The following CSMD1 variants were observed in gnomAD, a reference collection of about 807,000 sequenced individuals.
CSMD1 encodes CUB and Sushi multiple domains 1.
A neutral mutation model predicts 417.5 loss-of-function variants in CSMD1; 213 were observed. That is an observed-to-expected ratio of 0.51 (90% CI 0.46 to 0.57). The LOEUF (loss-of-function observed/expected upper bound fraction) is 0.57, where lower values mean the gene tolerates loss of function less well. CSMD1 is among the 20% of genes least tolerant of loss of function. The pLI, the probability that CSMD1 is intolerant of heterozygous loss-of-function variation, is 0.00. For missense variants in CSMD1, 6,923 were observed against 4,529.7 expected, an observed-to-expected ratio of 1.53 and a Z score of -15.17; for synonymous variants, 2,862 against 1,736.8, an observed-to-expected ratio of 1.65 and a Z score of -16.11.
intron 54 of CSMD1, among the ~76,000 whole-genome samples, chr8:2,989,765 A>T (rs917168638): frequency 6.6e-6 from 1 of 152,186 alleles, no homozygotes; most frequent in African/African-American, 2.4e-5. Flanking sequence ...AGCTTTTCAT[A>T]CTTAAAAGCC....
At chr8:3,018,001 T>C (rs901894426) in intron 52 of CSMD1, among the ~76,000 whole-genome samples, 9 of 152,106 alleles carry the variant, frequency 5.9e-5, no homozygotes, top group Non-Finnish European at 1.0e-4. Context: ...GAAACATTTT[T>C]CAATCCATTT....
chr8:4,145,310 A>C (rs1804044402), intron 3 of CSMD1, among the ~76,000 whole-genome samples: 1 of 151,002 alleles, frequency 6.6e-6, no homozygotes, highest in Non-Finnish European at 1.5e-5. Flanking sequence ...ACTTTATGGT[A>C]CTCACCATTT....
chr8:3,895,765 G>C (rs753178708), intron 5 of CSMD1, among the ~76,000 whole-genome samples: 3 of 152,088 alleles, frequency 2.0e-5, no homozygotes, highest in Non-Finnish European at 4.4e-5. Flanking sequence ...AGTCATTTAA[G>C]AAATATTTCC....
chr8:4,206,914 G>A (rs966408663), intron 3 of CSMD1, among the ~76,000 whole-genome samples: 1 of 152,096 alleles, frequency 6.6e-6, no homozygotes, highest in African/African-American at 2.4e-5. Flanking sequence ...ATAATTTAGA[G>A]TTGGGCAAAT....
intron 3 of CSMD1, among the ~76,000 whole-genome samples, chr8:4,235,982 G>T (rs117806248): frequency 6.8e-6 from 1 of 146,568 alleles, no homozygotes; most frequent in Non-Finnish European, 1.5e-5. Context: ...TACCTAGCAA[G>T]TGATTCGTGA....
intron 2 of CSMD1, among the ~76,000 whole-genome samples, chr8:4,505,503 T>C (rs1046704042): frequency 6.6e-6 from 1 of 152,166 alleles, no homozygotes; most frequent in Non-Finnish European, 1.5e-5. Flanking sequence ...TGCTTAATCA[T>C]TTAATTTAAT....
chr8:3,396,967 G>A (rs889935644), intron 16 of CSMD1, among the ~76,000 whole-genome samples: 3 of 152,026 alleles, frequency 2.0e-5, no homozygotes, highest in African/African-American at 7.2e-5. Context: ...TTTCAGACAT[G>A]AAAGGATACT....
intron 3 of CSMD1, among the ~76,000 whole-genome samples, chr8:4,195,064 G>C (rs1799252085): frequency 6.6e-6 from 1 of 152,150 alleles, no homozygotes; most frequent in Non-Finnish European, 1.5e-5. Context: ...GCAGTATTCA[G>C]CTGTTACGCC....
At chr8:3,090,562 T>C (rs1322818250) in intron 48 of CSMD1, among the ~76,000 whole-genome samples, 2 of 152,160 alleles carry the variant, frequency 1.3e-5, no homozygotes, top group Non-Finnish European at 2.9e-5. Flanking sequence ...TAAAACCTTA[T>C]TCTTACAACT....
intron 2 of CSMD1, among the ~76,000 whole-genome samples, chr8:4,551,767 C>G (rs1259853969): frequency 1.3e-5 from 2 of 152,136 alleles, no homozygotes; most frequent in Admixed American, 1.3e-4. Flanking sequence ...TCACTGCAAC[C>G]TCTCAGGCTG....
At position 3,474,304 on chromosome 8, in the gene CSMD1, CA is replaced by C. The variant is rs1402796372; in HGVS notation, c.1449-5481del. On this transcript the variant is annotated intron_variant, in intron 11 of 69. Coordinates refer to ENST00000635120, the MANE Select transcript of CSMD1 (RefSeq NM_033225.6). ...ATATGATAATCATACAAATGCAGGA[CA>C]ATAAACAATGCAATAGCAAAGTGCT... Among the ~76,000 whole-genome samples the C allele has an allele frequency of 1.4e-4, 21 of 151,674 alleles. 1 individual carries two copies. In the South Asian group the frequency reaches 4.4e-3, roughly 32 times the overall value.
At chr8:3,019,012 G>A (rs1316543699) in intron 51 of CSMD1, among the ~76,000 whole-genome samples, 1 of 152,104 alleles carries the variant, frequency 6.6e-6, no homozygotes, top group Non-Finnish European at 1.5e-5. Flanking sequence ...CTACCTCCCC[G>A]GTTCAAGTGA....
chr8:3,912,377 C>T (rs539762777), intron 5 of CSMD1, among the ~76,000 whole-genome samples: 1 of 152,248 alleles, frequency 6.6e-6, no homozygotes, highest in African/African-American at 2.4e-5. Flanking sequence ...ACATTCAAGG[C>T]AATCTTCTAG....
At chr8:3,152,991 G>C (rs1819296489) in intron 39 of CSMD1, among the ~76,000 whole-genome samples, 1 of 152,236 alleles carries the variant, frequency 6.6e-6, no homozygotes. Context: ...TGGAATAGGA[G>C]CTGGATAAAA....
chr8:4,143,130 T>G (rs962912131), intron 3 of CSMD1, among the ~76,000 whole-genome samples: 1 of 136,014 alleles, frequency 7.4e-6, no homozygotes, highest in Non-Finnish European at 1.6e-5. Context: ...GGATTGGAAT[T>G]AGCATTTCTA....
At chr8:3,416,252 G>A (rs768361371) in intron 12 of CSMD1, among the ~76,000 whole-genome samples, 8 of 144,620 alleles carry the variant, frequency 5.5e-5, no homozygotes, top group Non-Finnish European at 7.4e-5. Context: ...GCAGTGAACC[G>A]GGACTGCGCA....
chr8:4,768,266 A>C (rs1392135698), intron 1 of CSMD1, among the ~76,000 whole-genome samples: 2 of 151,970 alleles, frequency 1.3e-5, no homozygotes, highest in Admixed American at 6.5e-5. Flanking sequence ...TCAGCCCCTA[A>C]CCTCCGAGAG....
intron 5 of CSMD1, among the ~76,000 whole-genome samples, chr8:3,980,416 C>A (rs1266620839): frequency 1.3e-5 from 2 of 152,148 alleles, no homozygotes; most frequent in African/African-American, 4.8e-5. Context: ...ATTCTTCCCA[C>A]TTCTATGGTC....
chr8:4,328,701 T>G (rs1036627863), intron 3 of CSMD1, among the ~76,000 whole-genome samples: 3 of 152,214 alleles, frequency 2.0e-5, no homozygotes, highest in African/African-American at 7.2e-5. Context: ...AGGAAGTGCT[T>G]TATTAGCTAT....
Sources: allele counts gnomAD v4.1 joint callset (sites outside exome capture counted in the v4.1 genomes callset), GRCh38; gene constraint gnomAD v4.1.1; transcripts MANE v1.5; gene names NCBI Gene and HGNC (gene_info 2026-07-23, HGNC 2026-07-21).